Variants in WDR25 observed in about 807,000 individuals in gnomAD.
WDR25 encodes the protein WD repeat domain 25, also known as WD repeat-containing protein 25.
A neutral mutation model predicts 47.7 loss-of-function variants in WDR25; 35 were observed. The ratio of observed to expected loss-of-function variants is 0.73; its 90% CI spans 0.56 to 0.97. WDR25 has a LOEUF of 0.97. Ranked by LOEUF, WDR25 falls within the 50% of genes least tolerant of loss-of-function variation. The pLI is 0.00. For synonymous variants in WDR25, 248 were observed against 278.9 expected, an observed-to-expected ratio of 0.89 and a Z score of 1.10; for missense variants, 634 against 704.7, an observed-to-expected ratio of 0.90 and a Z score of 1.14.
At chr14:100,447,753 A>G (rs1048049288) in intron 2 of WDR25, among the ~76,000 whole-genome samples, 2 of 152,178 alleles carry the variant, frequency 1.3e-5, no homozygotes, top group African/African-American at 2.4e-5. Context: ...GACTTAAGCA[A>G]TTTACTCCTT....
chr14:100,418,958 G>A (rs951697635), intron 2 of WDR25, among the ~76,000 whole-genome samples: 2 of 152,128 alleles, frequency 1.3e-5, no homozygotes, highest in Non-Finnish European at 2.9e-5. Context: ...GGTGGCTCAC[G>A]CCTGTAATCC....
chr14:100,461,797 G>A (rs1595112828), intron 2 of WDR25, among the ~76,000 whole-genome samples: 1 of 152,208 alleles, frequency 6.6e-6, no homozygotes, highest in African/African-American at 2.4e-5. Flanking sequence ...GGGTCTCCGA[G>A]ATAAGAGTGA....
At chr14:100,507,814 G>A (rs1901166748) in intron 4 of WDR25, among the ~76,000 whole-genome samples, 1 of 152,024 alleles carries the variant, frequency 6.6e-6, no homozygotes, top group Admixed American at 6.6e-5. Flanking sequence ...AGTTCCAGGA[G>A]CCCTTTGGCA....
At chr14:100,408,414 G>A (rs1329674019) in intron 2 of WDR25, among the ~76,000 whole-genome samples, 1 of 152,174 alleles carries the variant, frequency 6.6e-6, no homozygotes, top group African/African-American at 2.4e-5. Flanking sequence ...GCACAACTCT[G>A]TGTGGAGGGG....
intron 4 of WDR25, among the ~76,000 whole-genome samples, chr14:100,520,415 C>T (rs1017542751): frequency 9.2e-5 from 14 of 152,062 alleles, no homozygotes; most frequent in African/African-American, 2.7e-4. Context: ...AACAATGAAA[C>T]GACTGAAAAC....
intron 3 of WDR25, among the ~76,000 whole-genome samples, chr14:100,472,532 G>A (rs1899877115): frequency 6.6e-6 from 1 of 152,230 alleles, no homozygotes. Flanking sequence ...CTCCTCCTCC[G>A]TCATGGCCCA....
rs151108280 is a variant in WDR25, at chr14:100,512,656, T to A, written c.1102-13214T>A. ...CTTGAATTTAATTTTCTTTTTCTAGTTTCTTAAAGTGTAAGCTGAGGTCAT... is the reference window on the plus strand; with the variant it reads ...CTTGAATTTAATTTTCTTTTTCTAGATTCTTAAAGTGTAAGCTGAGGTCAT... On this transcript the variant is annotated intron_variant, in intron 4 of 6. Coordinates refer to ENST00000402312, the MANE Select transcript of WDR25 (RefSeq NM_001161476.3). Among the ~76,000 whole-genome samples, 80 of 152,320 alleles carry A rather than the reference T, an allele frequency of 5.3e-4. 1 individual carries two copies. The East Asian group carries it at 0.013, about 24-fold the overall frequency.
intron 2 of WDR25, among the ~76,000 whole-genome samples, chr14:100,426,450 T>C (rs953119004): frequency 1.3e-5 from 2 of 152,238 alleles, no homozygotes; most frequent in Admixed American, 6.5e-5. Flanking sequence ...TCTTCGACAA[T>C]GGCACTGTGG....
intron 2 of WDR25, among the ~76,000 whole-genome samples, chr14:100,418,773 G>T (rs952309722): frequency 2.6e-4 from 39 of 152,194 alleles, no homozygotes; most frequent in African/African-American, 8.7e-4. Context: ...TGGCGGGGGG[G>T]GGTCCTACTC....
At chr14:100,458,513 A>T (rs1899277343) in intron 2 of WDR25, among the ~76,000 whole-genome samples, 1 of 152,172 alleles carries the variant, frequency 6.6e-6, no homozygotes. Context: ...GTAGACAGAA[A>T]ATCAGTTAAG....
At chr14:100,467,425 C>T (rs897707930) in intron 2 of WDR25, among the ~76,000 whole-genome samples, 1 of 152,158 alleles carries the variant, frequency 6.6e-6, no homozygotes, top group African/African-American at 2.4e-5. Flanking sequence ...GTGCAGGACT[C>T]CCACCCGGCT....
chr14:100,515,733 A>G (rs556560998), intron 4 of WDR25, among the ~76,000 whole-genome samples: 22 of 150,214 alleles, frequency 1.5e-4, no homozygotes, highest in South Asian at 4.2e-4. Flanking sequence ...GGTTCAAGCA[A>G]TTTTGCCTCA....
chr14:100,460,372 A>G (rs1156658760), intron 2 of WDR25, among the ~76,000 whole-genome samples: 1 of 152,154 alleles, frequency 6.6e-6, no homozygotes, highest in Non-Finnish European at 1.5e-5. Context: ...TCGGCCTCCC[A>G]AAGTGCTGGG....
chr14:100,482,631 T>A (rs557177482), intron 3 of WDR25, among the ~76,000 whole-genome samples: 2 of 151,700 alleles, frequency 1.3e-5, no homozygotes, highest in Non-Finnish European at 2.9e-5. Flanking sequence ...AGTACTCATG[T>A]GACTGTCATG....
chr14:100,395,288 T>C (rs932332914), intron 2 of WDR25, among the ~76,000 whole-genome samples: 3 of 152,214 alleles, frequency 2.0e-5, no homozygotes, highest in Non-Finnish European at 4.4e-5. Flanking sequence ...TACTTAACTC[T>C]CTGGACCTTA....
At chr14:100,505,289 A>G (rs1231205077) in intron 4 of WDR25, among the ~76,000 whole-genome samples, 6 of 152,058 alleles carry the variant, frequency 3.9e-5, no homozygotes. Context: ...ACAGTTATTT[A>G]TTTCTTTTGC....
chr14:100,481,103 C>CAAAAAAAAAAAAAAAAAAAAAAA, intron 3 of WDR25: 1 of 246,946 alleles, frequency 4.0e-6, no homozygotes, highest in Non-Finnish European at 7.1e-6. Flanking sequence ...CAAAAAAGTG[C>CAAAAAAAAAAAAAAAAAAAAAAA]AAAAAAAAAA....
At chr14:100,422,682 C>A (rs927223401) in intron 2 of WDR25, among the ~76,000 whole-genome samples, 9 of 152,204 alleles carry the variant, frequency 5.9e-5, no homozygotes, top group African/African-American at 2.2e-4. Flanking sequence ...GGACGCCCAC[C>A]AGCGTACTGA....
chr14:100,457,371 A>C (rs1339980065), intron 2 of WDR25, among the ~76,000 whole-genome samples: 1 of 152,232 alleles, frequency 6.6e-6, no homozygotes, highest in Non-Finnish European at 1.5e-5. Flanking sequence ...TTCTCATTGG[A>C]AATACTGCCA....
Sources: allele counts gnomAD v4.1 joint callset (sites outside exome capture counted in the v4.1 genomes callset), GRCh38; gene constraint gnomAD v4.1.1; transcripts MANE v1.5; gene names NCBI Gene and HGNC (gene_info 2026-07-23, HGNC 2026-07-21).